KLC3: variants seen among roughly 807,000 people sequenced by gnomAD.
KLC3 encodes the protein kinesin light chain 2.
KLC3 carries 72 observed loss-of-function variants against 62.9 expected under a neutral mutation model. The ratio of observed to expected loss-of-function variants is 1.15; its 90% CI spans 0.95 to 1.39. KLC3 has a LOEUF of 1.39. Among genes scored for constraint, KLC3 ranks in the 40% most tolerant of loss-of-function variants. The pLI is 0.00. For synonymous variants in KLC3, 377 were observed against 300.5 expected (o/e 1.25, Z -2.63); for missense variants, 848 against 691.6 (o/e 1.23, Z -2.54).
Position 45,345,723 on chromosome 19 carries a change from T to C in KLC3, c.182T>C (p.Leu61Ser). Residue 61 changes from leucine (L) to serine (S), a missense_variant, in exon 2 of 13, where the codon TTG becomes TCG. Coordinates refer to ENST00000391946, the MANE Select transcript of KLC3 (RefSeq NM_177417.3). Reference protein sequence around the residue: ...ALAGQGPAAGLEMLEEKQQVV... With the variant: ...ALAGQGPAAGSEMLEEKQQVV... ...GCGGGACAGGGCCCGGCAGCCGGCT[T>C]GGAGATGCTGGAGGAAAAGCAGCAG... The C allele has an allele frequency of 6.4e-7, 1 of 1,560,748 alleles. No homozygotes were observed. The highest frequency in any genetic ancestry group is 8.7e-7 in the Non-Finnish European group (1 of 1,153,372).
chr19:45,349,600 C>T lies in KLC3; in HGVS notation c.1141C>T (p.Leu381=), dbSNP rs780234748. ...DPNVAKTKNN[L]ASAYLKQNKY... Reference sequence around the variant, plus strand: ...CAACGTGGCCAAGACCAAGAACAACCTGGTGAGGCCCCTGGGGCTCAGAGT... The same window carrying T: ...CAACGTGGCCAAGACCAAGAACAACTTGGTGAGGCCCCTGGGGCTCAGAGT... Residue 381 remains leucine (L), a splice_region_variant and synonymous_variant, in exon 8 of 13, where the codon CTG becomes TTG. Transcript: ENST00000391946. The T allele has an allele frequency of 6.2e-7, 1 of 1,607,304 alleles. No homozygotes were observed. Among genetic ancestry groups the T allele is most frequent in the Non-Finnish European group, 8.5e-7 (1 of 1,175,792 alleles).
rs1013594424 is a variant in KLC3 at position 45,347,615 on chromosome 19, AGGTGAGGGCAG to A, written c.559+107_559+117del. On this transcript the variant is annotated intron_variant, in intron 4 of 12. Transcript: ENST00000391946. ...AAAATCTCTGAGCCAGGGGATGGGG[AGGTGAGGGCAG>A]GGTGAGGAGGACCCTGAATGTGACA... 5.4e-6 allele frequency: 6 copies of A among 1,110,078 alleles called. No individual in the cohort carries two copies. The African/African-American group carries it at 6.2e-5, about 12-fold the overall frequency. The allele number at this position is 1,110,078 out of a possible 1,614,324, so 68.8% of individuals were successfully genotyped here.
Position 45,346,705 on chromosome 19 carries a change from G to T in KLC3, c.420G>T (p.Leu140=). 1 of 1,577,260 alleles carries T rather than the reference G, an allele frequency of 6.3e-7. No individual in the cohort carries two copies. Among genetic ancestry groups the T allele is most frequent in the African/African-American group, 1.4e-5 (1 of 73,882 alleles). The change falls in exon 3 of 13, where the codon CTG becomes CTT. Residue 140 remains leucine (L), a synonymous_variant. Coordinates refer to ENST00000391946, the MANE Select transcript of KLC3 (RefSeq NM_177417.3). ...LRASEESVAQ[L]EEEKRHLEFL... ...CCAGCGAGGAGTCCGTGGCCCAGCT[G>T]GAGGAGGAGAAGCGCCACCTGGAGT...
At chr19:45,349,138 A>G (rs934046245) in intron 7 of KLC3, among the ~76,000 whole-genome samples, 1 of 151,746 alleles carries the variant, frequency 6.6e-6, no homozygotes, top group Admixed American at 6.6e-5. Context: ...TACCTCACAC[A>G]TCACCCTCCA....
intron 1 of KLC3, among the ~76,000 whole-genome samples, chr19:45,341,355 G>A (rs1971390400): frequency 6.6e-6 from 1 of 152,126 alleles, no homozygotes; most frequent in Non-Finnish European, 1.5e-5. Context: ...TGACTGGAAT[G>A]GTGTGTGTGT....
In KLC3 at chr19:45,347,497, CGAGGAG is replaced by C; in HGVS notation, c.547_552del (p.Glu183_Glu184del). On this transcript the variant is annotated inframe_deletion, in exon 4 of 13. Coordinates refer to ENST00000391946, the MANE Select transcript of KLC3 (RefSeq NM_177417.3). ...ACAGCCTGGCCTCCCTGTTCCCCAG[CGAGGAG>C]GAGGAGAGGAAAGGTGGGTGTTGGG... 1.9e-6 allele frequency: 3 copies of C among 1,612,274 alleles called. No individual in the cohort carries two copies. The highest frequency in any genetic ancestry group is 2.5e-6 in the Non-Finnish European group (3 of 1,179,156).
At chr19:45,345,438 G>GT in intron 1 of KLC3, 96 bp from the exon 2 acceptor site, 2 of 1,504,520 alleles carry the variant, frequency 1.3e-6, no homozygotes, top group Non-Finnish European at 1.8e-6. Flanking sequence ...ATGGGGAGAA[G>GT]TTAGGGGTCC....
chr19:45,341,578 T>TGTGCGCGCGCGCGCGCGC, intron 1 of KLC3, among the ~76,000 whole-genome samples: 23 of 139,792 alleles, frequency 1.6e-4, no homozygotes, highest in Non-Finnish European at 3.1e-4. Flanking sequence ...TGTGTGTGTG[T>TGTGCGCGCGCGCGCGCGC]GCGCGCGCGC....
intron 8 of KLC3, chr19:45,350,122 C>T (rs1011487475): frequency 1.7e-6 from 1 of 571,622 alleles, no homozygotes; most frequent in African/African-American, 1.9e-5. Context: ...ACGGCCAGGT[C>T]AGCACATTAG....
intron 1 of KLC3, among the ~76,000 whole-genome samples, chr19:45,342,393 C>T (rs1971412743): frequency 6.6e-6 from 1 of 151,964 alleles, no homozygotes; most frequent in African/African-American, 2.4e-5. Context: ...CCTAGACTAG[C>T]CTGGGCAATA....
chr19:45,341,396 C>G (rs1971391074), intron 1 of KLC3, among the ~76,000 whole-genome samples: 1 of 151,986 alleles, frequency 6.6e-6, no homozygotes, highest in Admixed American at 6.6e-5. Flanking sequence ...ACTTTACGAC[C>G]AAGAGCTAGT....
intron 1 of KLC3, among the ~76,000 whole-genome samples, chr19:45,344,152 G>T (rs1163219629): frequency 9.3e-5 from 9 of 97,178 alleles, no homozygotes; most frequent in African/African-American, 3.9e-4. Context: ...TTCTAATGAG[G>T]GAGTGTGTGT....
intron 2 of KLC3, among the ~76,000 whole-genome samples, chr19:45,346,171 G>GA (rs1182611779): frequency 1.3e-5 from 2 of 152,024 alleles, no homozygotes; most frequent in African/African-American, 2.4e-5. Flanking sequence ...AAAAACAACA[G>GA]AAAAAAGTAT....
At position 45,349,575 on chromosome 19, in the gene KLC3, C is replaced by T; in HGVS notation, c.1116C>T (p.Pro372=). 1.2e-6 allele frequency: 2 copies of T among 1,612,960 alleles called. No homozygotes were observed. The highest frequency in any genetic ancestry group is 1.3e-5 in the African/African-American group (1 of 74,984). ...AGGCACTGGGCGGGCCCCATGACCC[C>T]AACGTGGCCAAGACCAAGAACAACC... ...IYEALGGPHD[P]NVAKTKNNLA... The change falls in exon 8 of 13, where the codon CCC becomes CCT. Residue 372 remains proline (P), a synonymous_variant. Coordinates refer to ENST00000391946, the MANE Select transcript of KLC3 (RefSeq NM_177417.3).
chr19:45,351,072 A>G, intron 12 of KLC3, 55 bp downstream of exon 12: 1 of 1,613,550 alleles, frequency 6.2e-7, no homozygotes, highest in Non-Finnish European at 8.5e-7. Flanking sequence ...AGGTGCAGAG[A>G]TGAGGCAAAG....
At chr19:45,351,164 T>G in intron 12 of KLC3, 122 bp from the exon 13 acceptor site, 1 of 1,588,968 alleles carries the variant, frequency 6.3e-7, no homozygotes, top group Non-Finnish European at 8.6e-7. Context: ...AAAGATGGGT[T>G]TTACTTGGGG....
At chr19:45,347,342 AAAAAAAAAAAAAAAC>A (rs1446814450) in intron 3 of KLC3, 90 bp from the exon 4 acceptor site, 3 of 569,320 alleles carry the variant, frequency 5.3e-6, no homozygotes, top group Non-Finnish European at 5.6e-6. Context: ...CTCCGTCTCA[AAAAAAAAAAAAAAAC>A]AAAAAAACAA....
At chr19:45,351,087 GGCGGTCGGGCCA>G in intron 12 of KLC3, 70 bp downstream of exon 12, 2 of 1,612,576 alleles carry the variant, frequency 1.2e-6, no homozygotes, top group Non-Finnish European at 1.7e-6. Context: ...GCAAAGGCAG[GGCGGTCGGGCCA>G]GTGGTGGAGT....
At chr19:45,350,872 C>G in intron 11 of KLC3, 82 bp from the exon 12 acceptor site, 2 of 1,398,464 alleles carry the variant, frequency 1.4e-6, no homozygotes, top group Admixed American at 3.7e-5. Flanking sequence ...ACACACAGAT[C>G]AAACCCTGTG....
Sources: allele counts gnomAD v4.1 joint callset (sites outside exome capture counted in the v4.1 genomes callset), GRCh38; gene constraint gnomAD v4.1.1; transcripts MANE v1.5; gene names NCBI Gene and HGNC (gene_info 2026-07-23, HGNC 2026-07-21).